Variants in KIF11 observed in about 807,000 individuals in gnomAD.
KIF11 encodes the protein kinesin family member 11, also known as kinesin-like protein KIF11.
A neutral mutation model predicts 121.0 loss-of-function variants in KIF11; 9 were observed. That is an observed-to-expected ratio of 0.07 (90% CI 0.04 to 0.13). The LOEUF is 0.13. KIF11 is among the 10% of genes least tolerant of loss of function. The pLI is 1.00. For synonymous variants in KIF11, 408 were observed against 421.0 expected, an observed-to-expected ratio of 0.97 and a Z score of 0.38; for missense variants, 846 against 1,217.5, an observed-to-expected ratio of 0.69 and a Z score of 4.54.
intron 17 of KIF11, among the ~76,000 whole-genome samples, chr10:92,643,375 T>G (rs1448994747): frequency 6.6e-6 from 1 of 152,192 alleles, no homozygotes; most frequent in Admixed American, 6.5e-5. Context: ...GAATCCATTA[T>G]CAAATAATTT....
Position 92,606,701 on chromosome 10 carries a change from A to G in KIF11, c.293A>G (p.Asn98Ser). ...CTGGATGAAGTTATTATGGGCTATA[A>G]TTGCACTATCTTTGCGTAAGTAAAA... ...PILDEVIMGY[N>S]CTIFAYGQTG... The change falls in exon 3 of 22, where the codon AAT becomes AGT. Residue 98 changes from asparagine (N) to serine (S), a missense_variant. Asn to Ser is a conservative substitution (Grantham distance 46). This residue lies in a region of KIF11 where 140 missense variants were observed against 193.5 expected (regional missense o/e 0.72). Transcript: ENST00000260731. The G allele has an allele frequency of 6.7e-7, 1 of 1,501,806 alleles. No homozygotes were observed. Among genetic ancestry groups the G allele is most frequent in the Non-Finnish European group, 9.3e-7 (1 of 1,078,364 alleles). The allele number at this position is 1,501,806 out of a possible 1,614,324, so 93.0% of individuals were successfully genotyped here.
intron 10 of KIF11, among the ~76,000 whole-genome samples, chr10:92,626,907 C>T (rs554083148): frequency 4.4e-4 from 67 of 152,106 alleles, no homozygotes; most frequent in African/African-American, 1.6e-3. Context: ...CTACAGGTGC[C>T]CGCCACCACG....
rs776042830 is a variant in KIF11 at position 92,613,203 on chromosome 10, G to A, written c.789+73G>A. 37 of 1,300,394 alleles carry A rather than the reference G, an allele frequency of 2.8e-5. No homozygotes were observed. Among genetic ancestry groups the A allele is most frequent in the Non-Finnish European group, 3.9e-5 (36 of 934,230 alleles). 80.6% of individuals were successfully genotyped at this position (1,300,394 alleles called of 1,614,324 possible). On this transcript the variant is annotated intron_variant, in intron 7 of 21. Coordinates refer to ENST00000260731, the MANE Select transcript of KIF11 (RefSeq NM_004523.4). The surrounding 1 kb of genome is among the most constrained non-coding windows in gnomAD (Gnocchi z 4.2). The stretch of plus-strand genomic sequence containing the variant: ...GAGCAGCTTGAAATTTTGTCCTTGA[G>A]ACAAAATTTTTGTGGTCACTGGGTG...
chr10:92,642,326 G>T (rs1004636888), intron 17 of KIF11, among the ~76,000 whole-genome samples: 6 of 152,116 alleles, frequency 3.9e-5, no homozygotes, highest in Non-Finnish European at 8.8e-5. Context: ...ACTTTTATGG[G>T]CTGTGGTTCC....
intron 21 of KIF11, among the ~76,000 whole-genome samples, chr10:92,651,502 ATTTTG>A: frequency 4.6e-5 from 1 of 21,560 alleles, no homozygotes; most frequent in South Asian, 2.6e-3. Flanking sequence ...TGCCTGGCTA[ATTTTG>A]TTTTTTTTTT....
chr10:92,595,146 G>T (rs751085787), intron 1 of KIF11, among the ~76,000 whole-genome samples: 1 of 152,152 alleles, frequency 6.6e-6, no homozygotes, highest in Non-Finnish European at 1.5e-5. Flanking sequence ...TGCAACCTCC[G>T]CCTCCCGGAT....
intron 19 of KIF11, among the ~76,000 whole-genome samples, chr10:92,649,272 T>C (rs773674382): frequency 3.3e-5 from 5 of 152,182 alleles, no homozygotes; most frequent in Non-Finnish European, 7.3e-5. Flanking sequence ...GCAAGTACTT[T>C]TGTAAATCAT....
At chr10:92,636,751 G>T (rs1223421428) in intron 14 of KIF11, among the ~76,000 whole-genome samples, 1 of 151,510 alleles carries the variant, frequency 6.6e-6, no homozygotes, top group Non-Finnish European at 1.5e-5. Context: ...TGGAGAATGG[G>T]GCCGGGCGCG....
intron 12 of KIF11, among the ~76,000 whole-genome samples, chr10:92,631,121 A>G (rs1338988389): frequency 6.7e-6 from 1 of 148,150 alleles, no homozygotes; most frequent in African/African-American, 2.5e-5. Flanking sequence ...CCCCATCTCT[A>G]CTAAAAAAAA....
intron 1 of KIF11, among the ~76,000 whole-genome samples, chr10:92,600,553 G>C (rs569851271): frequency 6.6e-6 from 1 of 152,154 alleles, no homozygotes; most frequent in Non-Finnish European, 1.5e-5. Flanking sequence ...CTGTCACCAG[G>C]CTGGAGTGCA....
Position 92,593,221 on chromosome 10 carries a change from A to C in KIF11, c.-155A>C. On this transcript the variant is annotated 5_prime_UTR_variant, in exon 1 of 22. Coordinates refer to ENST00000260731, the MANE Select transcript of KIF11 (RefSeq NM_004523.4). ...GCCACGGCCAGAGTACCGGGTAGAG[A>C]GCGGGGACGCCGACCTGCGTGCGTC... 1 of 655,190 alleles carries C rather than the reference A, an allele frequency of 1.5e-6. No homozygotes were observed. The highest frequency in any genetic ancestry group is 2.6e-6 in the Non-Finnish European group (1 of 378,536). The allele number at this position is 655,190 out of a possible 1,614,324, so 40.6% of individuals were successfully genotyped here. A position where few individuals can be genotyped will look rare whatever the true frequency, so the allele number is the denominator to read the frequency against.
chr10:92,623,657 A>G (rs1397114424), intron 10 of KIF11, among the ~76,000 whole-genome samples: 2 of 152,220 alleles, frequency 1.3e-5, no homozygotes, highest in African/African-American at 2.4e-5. Flanking sequence ...AATCAGAACA[A>G]TGTAAGATTG....
intron 4 of KIF11, among the ~76,000 whole-genome samples, chr10:92,608,703 C>G (rs1393060541): frequency 1.3e-5 from 2 of 152,168 alleles, no homozygotes; most frequent in Admixed American, 6.5e-5. Context: ...TCCCAAAGTG[C>G]TGGGATTATA....
rs149652358 is a variant in KIF11 at position 92,613,544 on chromosome 10, C to G, written c.957C>G (p.Ile319Met). The G allele has an allele frequency of 2.5e-5, 40 of 1,611,920 alleles. No homozygotes were observed. In the African/African-American group the frequency reaches 5.3e-4, roughly 22 times the overall value. ...VPYRESKLTR[I>M]LQDSLGGRTR... ...ATCGAGAATCTAAACTAACTAGAAT[C>G]CTCCAGGATTCTCTTGGAGGGCGTA... The change falls in exon 8 of 22, where the codon ATC becomes ATG. Residue 319 changes from isoleucine to methionine, a missense_variant. Ile to Met is a conservative substitution (Grantham distance 10). This residue lies in a region of KIF11 where 116 missense variants were observed against 285.3 expected (regional missense o/e 0.41). Transcript: ENST00000260731. The surrounding 1 kb of genome is among the most constrained non-coding windows in gnomAD (Gnocchi z 4.2).
At chr10:92,615,443 C>T (rs1844544187) in intron 8 of KIF11, among the ~76,000 whole-genome samples, 1 of 151,478 alleles carries the variant, frequency 6.6e-6, no homozygotes, top group African/African-American at 2.4e-5. Context: ...GTCCAACTGC[C>T]CCTTCATTAA....
chr10:92,601,353 A>G (rs1037730795), intron 1 of KIF11, among the ~76,000 whole-genome samples: 2 of 150,854 alleles, frequency 1.3e-5, no homozygotes, highest in Admixed American at 1.3e-4. Context: ...GGCATGTGCC[A>G]CCATAAACAG....
At chr10:92,628,925 T>C (rs753819734) in intron 11 of KIF11, 30 bp downstream of exon 11, 12 of 1,143,666 alleles carry the variant, frequency 1.0e-5, no homozygotes, top group Admixed American at 2.3e-5. Flanking sequence ...TTTACTGTTA[T>C]GTGAAAAGCA....
chr10:92,614,718 A>G (rs1441378964), intron 8 of KIF11, among the ~76,000 whole-genome samples: 1 of 152,188 alleles, frequency 6.6e-6, no homozygotes, highest in African/African-American at 2.4e-5. Context: ...AAAAGTAACA[A>G]AGATGGTAAA....
In KIF11 at chr10:92,593,357, T is replaced by C. The variant is rs1422533074; in HGVS notation, c.-19T>C. 1 of 1,601,502 alleles carries C rather than the reference T, an allele frequency of 6.2e-7. No individual in the cohort carries two copies. The highest frequency in any genetic ancestry group is 1.8e-4 in the Middle Eastern group (1 of 5,658). Reference sequence around the variant, plus strand: ...GCCCAGGTCCGCGGCCGGGCCTTGATTTTTTGGCGGGGACCGTCATGGCGT... The same window carrying C: ...GCCCAGGTCCGCGGCCGGGCCTTGACTTTTTGGCGGGGACCGTCATGGCGT... On this transcript the variant is annotated 5_prime_UTR_variant, in exon 1 of 22. Transcript: ENST00000260731.
Sources: allele counts gnomAD v4.1 joint callset (sites outside exome capture counted in the v4.1 genomes callset), GRCh38; gene constraint gnomAD v4.1.1; regional missense constraint gnomAD v4.1.1; non-coding constraint Gnocchi (gnomAD v3.1); transcripts MANE v1.5; gene names NCBI Gene and HGNC (gene_info 2026-07-23, HGNC 2026-07-21).